Variants in EDARADD observed in about 807,000 individuals in gnomAD.
The protein encoded by EDARADD is EDAR associated via death domain.
A neutral mutation model predicts 25.6 loss-of-function variants in EDARADD; 20 were observed. The ratio of observed to expected loss-of-function variants is 0.78; its 90% confidence interval spans 0.55 to 1.14. The LOEUF (loss-of-function observed/expected upper bound fraction) is 1.14, where lower values mean the gene tolerates loss of function less well. Among genes scored for constraint, EDARADD ranks in the 50% most tolerant of loss-of-function variants. The probability of loss-of-function intolerance (pLI) is 0.00; values close to 1 mark genes in which losing one functional copy is unlikely to be tolerated. For missense variants in EDARADD, 225 were observed against 270.1 expected (o/e 0.83, Z 1.17); for synonymous variants, 86 against 94.4 (o/e 0.91, Z 0.52).
At chr1:236,417,914 A>G (rs189241568) in intron 3 of EDARADD, among the ~76,000 whole-genome samples, 9 of 151,694 alleles carry the variant, frequency 5.9e-5, no homozygotes, top group African/African-American at 2.2e-4. Flanking sequence ...TTTAGAAGTT[A>G]AAGAGAAGTA....
rs576451942 is a variant in EDARADD at position 236,482,955 on chromosome 1, T to C, written c.*306T>C. The C allele has an allele frequency of 1.7e-6, 1 of 605,574 alleles. No individual in the cohort carries two copies. The highest frequency in any genetic ancestry group is 2.0e-5 in the South Asian group (1 of 49,146). 37.5% of individuals were successfully genotyped at this position (605,574 alleles called of 1,614,324 possible). A position where few individuals can be genotyped will look rare whatever the true frequency, so the allele number is the denominator to read the frequency against. Reference sequence around the variant, plus strand: ...TCATGCCACGTTGAAGATAAAATTATCCTCTCTCTGAAATACGGTAAAGAT... The same window carrying C: ...TCATGCCACGTTGAAGATAAAATTACCCTCTCTCTGAAATACGGTAAAGAT... On this transcript the variant is annotated 3_prime_UTR_variant, in exon 6 of 6. Coordinates refer to ENST00000334232, the MANE Select transcript of EDARADD (RefSeq NM_145861.4).
At chr1:236,442,693 A>G (rs1658432276) in intron 4 of EDARADD, among the ~76,000 whole-genome samples, 1 of 152,338 alleles carries the variant, frequency 6.6e-6, no homozygotes, top group Non-Finnish European at 1.5e-5. Context: ...TTTACTGAAT[A>G]TTTTAAGCCC....
chr1:236,396,080 C>T (rs1467027829), intron 1 of EDARADD, among the ~76,000 whole-genome samples: 1 of 152,242 alleles, frequency 6.6e-6, no homozygotes, highest in Admixed American at 6.5e-5. Context: ...CATTACTCCT[C>T]TTCCTCTCTC....
At chr1:236,394,626 C>A in intron 1 of EDARADD, 121 bp downstream of exon 1, 1 of 804,318 alleles carries the variant, frequency 1.2e-6, no homozygotes, top group Non-Finnish European at 1.9e-6. Flanking sequence ...CTTTTTCGAC[C>A]CGACTTTTAT....
rs372839826 is a variant in EDARADD at position 236,455,977 on chromosome 1, G to A, written c.220-12254G>A. 1.8e-4 allele frequency among the ~76,000 whole-genome samples: 27 copies of A among 152,332 alleles called. No individual in the cohort carries two copies. The South Asian group carries it at 4.8e-3, about 27-fold the overall frequency. On this transcript the variant is annotated intron_variant, in intron 4 of 5. Coordinates refer to ENST00000334232, the MANE Select transcript of EDARADD (RefSeq NM_145861.4). ...GCTCATCTTTTGTATTTTTAGTAGA[G>A]ATGGAGTTTCACCATTTTAGCCAGG...
chr1:236,432,300 G>A (rs1203429367), intron 4 of EDARADD, among the ~76,000 whole-genome samples: 1 of 151,548 alleles, frequency 6.6e-6, no homozygotes, highest in Admixed American at 6.6e-5. Flanking sequence ...GAGGTGAGAG[G>A]ATCGCTTAAA....
At chr1:236,438,806 C>T (rs1002326919) in intron 4 of EDARADD, among the ~76,000 whole-genome samples, 6 of 152,212 alleles carry the variant, frequency 3.9e-5, no homozygotes, top group Admixed American at 1.3e-4. Flanking sequence ...TGCATCGTAA[C>T]GGTGCGTTTG....
chr1:236,467,457 T>TACACAC (rs928295054), intron 4 of EDARADD, among the ~76,000 whole-genome samples: 2 of 103,506 alleles, frequency 1.9e-5, no homozygotes, highest in African/African-American at 6.8e-5. Flanking sequence ...CACACACACA[T>TACACAC]ACACACACCT....
At chr1:236,365,176 C>G (rs988775313) in intron 3 of EDARADD, among the ~76,000 whole-genome samples, 4 of 151,044 alleles carry the variant, frequency 2.6e-5, no homozygotes, top group African/African-American at 9.7e-5. Flanking sequence ...CTCTCTCTCT[C>G]TCTTTGAGAC....
At position 236,415,471 on chromosome 1, in the gene EDARADD, G is replaced by A. The variant is rs187420899; in HGVS notation, c.160+1172G>A. 7.4e-4 allele frequency among the ~76,000 whole-genome samples: 112 copies of A among 152,228 alleles called. 3 individuals are homozygous for A. In the East Asian group the frequency reaches 0.02, roughly 27 times the overall value. ...TATTATTATTATTTTTTGAGACAGA[G>A]TTTCACTCTTGTTGCCCAAGCTGGA... On this transcript the variant is annotated intron_variant, in intron 3 of 5. Coordinates refer to ENST00000334232, the MANE Select transcript of EDARADD (RefSeq NM_145861.4).
chr1:236,422,022 G>A (rs1015763363), intron 3 of EDARADD, among the ~76,000 whole-genome samples: 1 of 152,186 alleles, frequency 6.6e-6, no homozygotes, highest in Admixed American at 6.5e-5. Flanking sequence ...GTGTCCCCCT[G>A]ATGGCCAGTA....
intron 4 of EDARADD, among the ~76,000 whole-genome samples, chr1:236,428,745 A>G (rs1474209610): frequency 1.3e-5 from 2 of 149,320 alleles, no homozygotes; most frequent in African/African-American, 4.9e-5. Context: ...GCGGCCGGGC[A>G]GAGGCTGCAA....
chr1:236,463,308 G>A lies in EDARADD; in HGVS notation c.220-4923G>A, dbSNP rs536075228. 6.6e-5 allele frequency among the ~76,000 whole-genome samples: 10 copies of A among 152,134 alleles called. No individual in the cohort carries two copies. In the South Asian group the frequency reaches 1.0e-3, roughly 16 times the overall value. ...AAAATACACATAACATAAAAGTTACGATTTTAACCTTTTTTAACTCTGTCA... is the reference window on the plus strand; with the variant it reads ...AAAATACACATAACATAAAAGTTACAATTTTAACCTTTTTTAACTCTGTCA... On this transcript the variant is annotated intron_variant, in intron 4 of 5. Coordinates refer to ENST00000334232, the MANE Select transcript of EDARADD (RefSeq NM_145861.4).
At position 236,440,477 on chromosome 1, in the gene EDARADD, A is replaced by T. The variant is rs550555589; in HGVS notation, c.219+13027A>T. Among the ~76,000 whole-genome samples the T allele has an allele frequency of 4.6e-5, 7 of 152,310 alleles. No individual in the cohort carries two copies. The South Asian group carries it at 1.5e-3, about 32-fold the overall frequency. ...ATTTGGAAGAACTGATACCTTGACA[A>T]CATTGAGCCCTCCTATTTATGATCA... On this transcript the variant is annotated intron_variant, in intron 4 of 5. Transcript: ENST00000334232.
chr1:236,414,438 A>G, intron 3 of EDARADD, 139 bp downstream of exon 3: 1 of 624,754 alleles, frequency 1.6e-6, no homozygotes, highest in Non-Finnish European at 2.8e-6. Flanking sequence ...TTGTGACATA[A>G]TTGTCTCAGA....
chr1:236,479,680 G>A (rs965870904), intron 5 of EDARADD, among the ~76,000 whole-genome samples: 8 of 151,228 alleles, frequency 5.3e-5, no homozygotes, highest in Non-Finnish European at 1.0e-4. Flanking sequence ...GACTGCCTCG[G>A]TATAACTTGT....
intron 3 of EDARADD, among the ~76,000 whole-genome samples, chr1:236,425,943 T>G (rs663253): frequency 0.45 from 68,102 of 151,498 alleles, 17,544 homozygotes; most frequent in Non-Finnish European, 0.59. Flanking sequence ...ATTATGCCAG[T>G]TGTTTCTTTT....
At chr1:236,434,292 C>T (rs777691159) in intron 4 of EDARADD, among the ~76,000 whole-genome samples, 7 of 151,714 alleles carry the variant, frequency 4.6e-5, no homozygotes, top group East Asian at 1.9e-4. Context: ...GGCTGGAGTG[C>T]GGTGGTGTGA....
intron 1 of EDARADD, among the ~76,000 whole-genome samples, chr1:236,404,264 A>C (rs1022024725): frequency 6.6e-6 from 1 of 152,232 alleles, no homozygotes; most frequent in African/African-American, 2.4e-5. Context: ...TATCGTAAAC[A>C]TGCAACTCCA....
Sources: allele counts gnomAD v4.1 joint callset (sites outside exome capture counted in the v4.1 genomes callset), GRCh38; gene constraint gnomAD v4.1.1; transcripts MANE v1.5; gene names NCBI Gene and HGNC (gene_info 2026-07-23, HGNC 2026-07-21).